Variants in NPIPB2 observed in about 807,000 individuals in gnomAD.
NPIPB2 encodes the protein nuclear pore complex interacting protein family member B2, also known as nuclear pore complex-interacting protein family member B2.
NPIPB2 carries 27 observed loss-of-function variants against 30.8 expected under a neutral mutation model. The ratio of observed to expected loss-of-function variants is 0.88; its 90% CI spans 0.65 to 1.21. NPIPB2 has a LOEUF of 1.21. NPIPB2 is among the 50% of genes most tolerant of loss of function. The pLI is 0.00. For synonymous variants in NPIPB2, 147 were observed against 162.0 expected (o/e 0.91, Z 0.70); for missense variants, 440 against 446.2 (o/e 0.99, Z 0.13).
intron 1 of NPIPB2, 43 bp from the exon 2 acceptor site, chr16:11,937,711 T>C (rs1173872028): frequency 2.4e-5 from 38 of 1,591,972 alleles, no homozygotes; most frequent in Non-Finnish European, 3.1e-5. Flanking sequence ...TCAATGACAC[T>C]GACAATATTT....
intron 1 of NPIPB2, among the ~76,000 whole-genome samples, chr16:11,948,530 C>G (rs942477509): frequency 8.6e-5 from 13 of 151,748 alleles, no homozygotes; most frequent in African/African-American, 2.7e-4. Context: ...ACTTTGGGAG[C>G]CCGAGGCGGA....
At chr16:11,927,292 T>C, downstream of NPIPB2, 1 of 724,742 alleles carries the variant, frequency 1.4e-6, no homozygotes, top group Non-Finnish European at 2.4e-6. Flanking sequence ...ATTTATTCTT[T>C]GTTAGTTTGT....
intron 1 of NPIPB2, among the ~76,000 whole-genome samples, chr16:11,963,444 G>T (rs544764261): frequency 5.3e-5 from 8 of 150,854 alleles, no homozygotes; most frequent in Non-Finnish European, 1.2e-4. Context: ...AAATAAAGTA[G>T]AAGGGATGGC....
At chr16:11,961,061 C>G (rs2055149493) in intron 1 of NPIPB2, among the ~76,000 whole-genome samples, 2 of 152,014 alleles carry the variant, frequency 1.3e-5, no homozygotes, top group African/African-American at 4.8e-5. Flanking sequence ...CTGGGTTTCA[C>G]CATGTTGGCC....
intron 1 of NPIPB2, chr16:11,965,565 A>G: frequency 8.7e-7 from 1 of 1,155,498 alleles, no homozygotes. Flanking sequence ...TTCTTGAATC[A>G]AAAAGAGAAA....
chr16:11,970,010 C>T (rs1347461550), intron 1 of NPIPB2, among the ~76,000 whole-genome samples: 2 of 151,726 alleles, frequency 1.3e-5, no homozygotes, highest in East Asian at 2.0e-4. Flanking sequence ...TACAGGTGCC[C>T]GCCACCACAC....
At chr16:11,935,840 C>T (rs1212615339) in intron 2 of NPIPB2, among the ~76,000 whole-genome samples, 1 of 52,690 alleles carries the variant, frequency 1.9e-5, no homozygotes. Flanking sequence ...AATGAGAAGC[C>T]AAGAAATGCC....
At chr16:11,957,887 G>A (rs937136399) in intron 1 of NPIPB2, among the ~76,000 whole-genome samples, 1 of 152,154 alleles carries the variant, frequency 6.6e-6, no homozygotes, top group Non-Finnish European at 1.5e-5. Context: ...ATTCCTTAAA[G>A]TAAATCTCTG....
At chr16:11,949,111 C>T (rs187614618) in intron 1 of NPIPB2, among the ~76,000 whole-genome samples, 115 of 152,022 alleles carry the variant, frequency 7.6e-4, no homozygotes, top group African/African-American at 2.6e-3. Flanking sequence ...ATGCTGTGAT[C>T]GGGCCACTCT....
intron 1 of NPIPB2, among the ~76,000 whole-genome samples, chr16:11,947,338 T>TA (rs1264432236): frequency 1.7e-3 from 145 of 85,760 alleles, no homozygotes; most frequent in Non-Finnish European, 3.7e-3. Flanking sequence ...ATATATATAT[T>TA]TATTTATTTA....
At chr16:11,935,147 C>A (rs1490488173) in intron 2 of NPIPB2, among the ~76,000 whole-genome samples, 2 of 143,272 alleles carry the variant, frequency 1.4e-5, no homozygotes, top group Admixed American at 7.2e-5. Flanking sequence ...TTGAACTTAA[C>A]GCAAAACATT....
At chr16:11,927,547 C>T (rs574332477) in exon 8 of NPIPB2, 3 of 1,604,408 alleles carry the variant, frequency 1.9e-6, no homozygotes, top group Admixed American at 1.7e-5. Context: ...CCGCTCTCCA[C>T]CTCTTGGGTT....
At chr16:11,974,731 T>A (rs769894580) in intron 1 of NPIPB2, among the ~76,000 whole-genome samples, 2 of 152,104 alleles carry the variant, frequency 1.3e-5, no homozygotes, top group African/African-American at 2.4e-5. Context: ...GGGAAAATAC[T>A]CCTTCAGTCC....
chr16:11,946,645 A>G (rs2055013260), upstream of NPIPB2, among the ~76,000 whole-genome samples: 1 of 152,092 alleles, frequency 6.6e-6, no homozygotes, highest in South Asian at 2.1e-4. Flanking sequence ...AGAGAATAAT[A>G]AGTGGTGAGG....
Position 11,933,700 on chromosome 16 carries a change from A to G in NPIPB2, c.305T>C (p.Ile102Thr), listed in dbSNP as rs199896549. The change falls in exon 4 of 8, where the codon ATT becomes ACT. Residue 102 changes from isoleucine (I) to threonine (T), a missense_variant. This residue lies in a region of NPIPB2 where 252 missense variants were observed against 233.0 expected (regional missense o/e 1.08). Coordinates refer to ENST00000399147, the Ensembl canonical transcript of NPIPB2. ...AACTCTTTTCTTTGTGTGCATACAA[A>G]TGGACCTCAGCCCTTGGTGAGAGTG... The G allele has an allele frequency of 5.7e-4, 907 of 1,596,972 alleles. 2 individuals carry two copies. Among genetic ancestry groups the G allele is most frequent in the Middle Eastern group, 2.0e-3 (9 of 4,426 alleles).
intron 1 of NPIPB2, chr16:11,965,402 T>A: frequency 1.2e-6 from 2 of 1,614,204 alleles, no homozygotes; most frequent in Non-Finnish European, 1.7e-6. Context: ...CTTGTCAACT[T>A]CGATGTTCTT....
intron 2 of NPIPB2, among the ~76,000 whole-genome samples, chr16:11,934,781 C>T (rs971403327): frequency 7.0e-6 from 1 of 143,810 alleles, no homozygotes; most frequent in Admixed American, 7.0e-5. Flanking sequence ...ACTGCTTGAA[C>T]CCAGGAGGCA....
upstream of NPIPB2, among the ~76,000 whole-genome samples, chr16:11,944,448 T>C (rs995503282): frequency 1.3e-5 from 2 of 149,934 alleles, no homozygotes; most frequent in Non-Finnish European, 3.0e-5. Flanking sequence ...ATTACAGTCA[T>C]GAGCCACCAC....
chr16:11,933,966 T>C lies in NPIPB2; in HGVS notation c.193-42A>G, dbSNP rs765677805. On this transcript the variant is annotated intron_variant, in intron 2 of 7. Coordinates refer to ENST00000399147, the Ensembl canonical transcript of NPIPB2. ...TAAGAATGACGGCTGGGCACGGTGG[T>C]TCATGCGTATAATCCCAGTACTTTG... is the stretch of plus-strand genomic sequence containing the variant. The C allele has an allele frequency of 5.8e-5, 85 of 1,455,598 alleles. No individual in the cohort carries two copies. In the Middle Eastern group the frequency reaches 1.2e-3, roughly 20 times the overall value. The allele number at this position is 1,455,598 out of a possible 1,614,324, so 90.2% of individuals were successfully genotyped here.
Sources: allele counts gnomAD v4.1 joint callset (sites outside exome capture counted in the v4.1 genomes callset), GRCh38; gene constraint gnomAD v4.1.1; regional missense constraint gnomAD v4.1.1; transcripts MANE v1.5; gene names NCBI Gene and HGNC (gene_info 2026-07-23, HGNC 2026-07-21).